The following CMIP variants were observed in gnomAD, a reference collection of about 807,000 sequenced individuals.
The protein encoded by CMIP is C-Maf-inducing protein.
Under a neutral mutation model 97.3 loss-of-function variants are expected in CMIP, and 13 were observed. That is an observed-to-expected ratio of 0.13 (90% CI 0.09 to 0.21). CMIP has a LOEUF of 0.21. Ranked by LOEUF, CMIP falls within the 10% of genes least tolerant of loss-of-function variation. The probability of loss-of-function intolerance (pLI) is 1.00; values close to 1 mark genes in which losing one functional copy is unlikely to be tolerated. For synonymous variants in CMIP, 538 were observed against 436.3 expected (o/e 1.23, Z -2.91); for missense variants, 847 against 1,024.9 (o/e 0.83, Z 2.37).
chr16:81,569,904 T>G (rs141968296), intron 1 of CMIP, among the ~76,000 whole-genome samples: 297 of 152,354 alleles, frequency 1.9e-3, no homozygotes, highest in African/African-American at 7.0e-3. Context: ...GCCTGTACTG[T>G]GGTAGGTGCT....
intron 9 of CMIP, among the ~76,000 whole-genome samples, chr16:81,674,793 C>T (rs1477458433): frequency 2.6e-5 from 4 of 151,906 alleles, no homozygotes; most frequent in Non-Finnish European, 5.9e-5. Flanking sequence ...ACTTTGTTGG[C>T]CAGGCTGGTC....
intron 11 of CMIP, 126 bp downstream of exon 11, chr16:81,691,966 A>G: frequency 1.2e-6 from 1 of 816,676 alleles, no homozygotes; most frequent in South Asian, 1.5e-5. Flanking sequence ...GACCCTGGAG[A>G]CGTCGGTACC....
intron 3 of CMIP, among the ~76,000 whole-genome samples, chr16:81,623,047 A>G (rs1265486497): frequency 6.6e-6 from 1 of 152,186 alleles, no homozygotes; most frequent in African/African-American, 2.4e-5. Context: ...TACCAAAAAT[A>G]CAAAAAATTA....
chr16:81,641,302 C>T (rs1008354895), intron 3 of CMIP, among the ~76,000 whole-genome samples: 37 of 152,154 alleles, frequency 2.4e-4, no homozygotes, highest in African/African-American at 8.4e-4. Flanking sequence ...CAACAAACAC[C>T]GAGAGCACCT....
chr16:81,658,602 G>A (rs1042781038), intron 5 of CMIP, among the ~76,000 whole-genome samples: 21 of 152,218 alleles, frequency 1.4e-4, no homozygotes, highest in African/African-American at 3.1e-4. Context: ...TGGCAAAACG[G>A]GATAAAAGCA....
intron 1 of CMIP, chr16:81,495,557 C>T (rs2089475160): frequency 1.3e-6 from 2 of 1,561,610 alleles, no homozygotes; most frequent in Non-Finnish European, 1.8e-6. Flanking sequence ...ACCTCGCCTG[C>T]TGCTGCTGGC....
At chr16:81,663,536 A>G (rs1446380542) in intron 6 of CMIP, among the ~76,000 whole-genome samples, 2 of 152,166 alleles carry the variant, frequency 1.3e-5, no homozygotes, top group African/African-American at 2.4e-5. Context: ...ACGACTTCCT[A>G]TGATATTACA....
chr16:81,523,881 A>G (rs1305775173), intron 1 of CMIP, among the ~76,000 whole-genome samples: 2 of 152,102 alleles, frequency 1.3e-5, no homozygotes, highest in Non-Finnish European at 2.9e-5. Context: ...CTCCCTCCAA[A>G]CGTCAAGGCG....
intron 1 of CMIP, among the ~76,000 whole-genome samples, chr16:81,498,241 G>A (rs1395713437): frequency 6.6e-6 from 1 of 152,252 alleles, no homozygotes; most frequent in African/African-American, 2.4e-5. Context: ...AATGATGGAT[G>A]TGGAGCCCCA....
chr16:81,483,551 C>G lies in CMIP; in HGVS notation c.300+38010C>G, dbSNP rs1273061368. 2.6e-5 allele frequency among the ~76,000 whole-genome samples: 4 copies of G among 151,270 alleles called. No individual in the cohort carries two copies. The East Asian group carries it at 7.7e-4, about 29-fold the overall frequency. On this transcript the variant is annotated intron_variant, in intron 1 of 20. Transcript: ENST00000537098. ...CCGAAGTGCCTCCTGGCTTGCCTCT[C>G]TCCCTCCCGCAGCCTCTTCCTCTTC...
chr16:81,586,168 C>G (rs866615064), intron 1 of CMIP, among the ~76,000 whole-genome samples: 3 of 152,144 alleles, frequency 2.0e-5, no homozygotes, highest in South Asian at 2.1e-4. Flanking sequence ...CAGCCCCGCC[C>G]CACACCTACC....
At chr16:81,492,547 C>T (rs1377027329) in intron 1 of CMIP, among the ~76,000 whole-genome samples, 6 of 151,974 alleles carry the variant, frequency 3.9e-5, no homozygotes, top group African/African-American at 1.2e-4. Flanking sequence ...TGGCCGGGAG[C>T]GAGTGTGCTG....
Position 81,445,066 on chromosome 16 carries a change from G to A in CMIP, c.-176G>A, listed in dbSNP as rs1905740482. 3 of 230,650 alleles carry A rather than the reference G, an allele frequency of 1.3e-5. No homozygotes were observed. The highest frequency in any genetic ancestry group is 1.8e-4 in the South Asian group (1 of 5,660). 14.3% of individuals were successfully genotyped at this position (230,650 alleles called of 1,614,324 possible). On this transcript the variant is annotated 5_prime_UTR_variant, in exon 1 of 21. Coordinates refer to ENST00000537098, the MANE Select transcript of CMIP (RefSeq NM_198390.3). ...AGCGCCGAGGCCGGCCCAGCCCGCC[G>A]CACGCGCCGCCCCCCGCGGGCAGCG...
intron 9 of CMIP, 51 bp from the exon 10 acceptor site, chr16:81,678,224 C>T: frequency 7.3e-7 from 1 of 1,374,170 alleles, no homozygotes; most frequent in East Asian, 2.4e-5. Flanking sequence ...GGTCATGGTG[C>T]ATCATGAACG....
At chr16:81,550,474 C>A (rs1216881821) in intron 1 of CMIP, among the ~76,000 whole-genome samples, 2 of 152,190 alleles carry the variant, frequency 1.3e-5, no homozygotes, top group Admixed American at 1.3e-4. Flanking sequence ...CTCATGCCCC[C>A]CTCCCACTCT....
At chr16:81,460,331 T>C (rs992605065) in intron 1 of CMIP, among the ~76,000 whole-genome samples, 3 of 152,138 alleles carry the variant, frequency 2.0e-5, no homozygotes, top group Non-Finnish European at 4.4e-5. Context: ...GCGGTTGCCA[T>C]GGGTGGGTGG....
At chr16:81,539,498 C>T (rs137885662) in intron 1 of CMIP, among the ~76,000 whole-genome samples, 4 of 152,334 alleles carry the variant, frequency 2.6e-5, no homozygotes, top group Non-Finnish European at 4.4e-5. Flanking sequence ...CATCTCTGCT[C>T]AAGAATCCTT....
At chr16:81,513,509 C>G (rs1341033004) in intron 1 of CMIP, among the ~76,000 whole-genome samples, 2 of 152,242 alleles carry the variant, frequency 1.3e-5, no homozygotes, top group East Asian at 1.9e-4. Flanking sequence ...GCAAATAGAG[C>G]TGGCCTTTGT....
At chr16:81,681,227 CTG>C (rs1190102996) in intron 10 of CMIP, among the ~76,000 whole-genome samples, 1 of 152,240 alleles carries the variant, frequency 6.6e-6, no homozygotes, top group East Asian at 1.9e-4. Flanking sequence ...GGCCTGATAA[CTG>C]TATTTTCCCA....
Sources: gnomAD v4.1 joint callset for allele counts (sites outside exome capture counted in the v4.1 genomes callset) on GRCh38, gnomAD v4.1.1 for gene constraint, MANE v1.5 for transcripts, NCBI Gene and HGNC (gene_info 2026-07-23, HGNC 2026-07-21) for gene names.